The following DLG2 variants were observed in gnomAD, a reference collection of about 807,000 sequenced individuals.
DLG2 encodes disks large homolog 2.
Under a neutral mutation model 132.5 loss-of-function variants are expected in DLG2, and 45 were observed. That is an observed-to-expected ratio of 0.34 (90% CI 0.27 to 0.44). DLG2 has a LOEUF of 0.44. Ranked by LOEUF, DLG2 falls within the 20% of genes least tolerant of loss-of-function variation. The probability of loss-of-function intolerance (pLI) is 1.00; values close to 1 mark genes in which losing one functional copy is unlikely to be tolerated. For missense variants in DLG2, 1,045 were observed against 1,196.9 expected (o/e 0.87, Z 1.87); for synonymous variants, 424 against 419.6 (o/e 1.01, Z -0.13).
chr11:84,558,674 T>C (rs1286212486), intron 6 of DLG2, among the ~76,000 whole-genome samples: 1 of 152,106 alleles, frequency 6.6e-6, no homozygotes, highest in African/African-American at 2.4e-5. Context: ...CAGCTCCCTA[T>C]ACACACACCA....
chr11:84,609,609 T>C (rs1169084206), intron 6 of DLG2, among the ~76,000 whole-genome samples: 1 of 152,106 alleles, frequency 6.6e-6, no homozygotes, highest in Admixed American at 6.6e-5. Flanking sequence ...ACCTCTGCCA[T>C]AGATGGGATG....
intron 3 of DLG2, among the ~76,000 whole-genome samples, chr11:85,305,763 T>A (rs545067076): frequency 1.3e-5 from 2 of 152,218 alleles, no homozygotes; most frequent in African/African-American, 4.8e-5. Context: ...TCCGCCCGCC[T>A]CGGCTTCCCA....
At chr11:83,649,946 A>G (rs1040976214) in intron 18 of DLG2, among the ~76,000 whole-genome samples, 1 of 152,228 alleles carries the variant, frequency 6.6e-6, no homozygotes, top group South Asian at 2.1e-4. Flanking sequence ...ATAGAAAGAG[A>G]AAGTTTTTTA....
intron 6 of DLG2, among the ~76,000 whole-genome samples, chr11:85,041,228 T>C (rs1040006875): frequency 1.3e-5 from 2 of 151,942 alleles, no homozygotes; most frequent in African/African-American, 2.4e-5. Flanking sequence ...GTAGCAGTGA[T>C]ACTATAAGAT....
intron 7 of DLG2, among the ~76,000 whole-genome samples, chr11:84,349,718 T>C (rs1440206998): frequency 1.3e-5 from 2 of 152,176 alleles, no homozygotes; most frequent in Non-Finnish European, 2.9e-5. Flanking sequence ...CTAATTGTTG[T>C]AGAAGAAGAA....
intron 7 of DLG2, among the ~76,000 whole-genome samples, chr11:84,406,622 G>A (rs12363515): frequency 0.11 from 16,296 of 152,246 alleles, 1,514 homozygotes; most frequent in African/African-American, 0.25. Flanking sequence ...TTACAGGCAT[G>A]AGCCACCACA....
At chr11:85,608,117 C>T (rs184979207) in intron 2 of DLG2, among the ~76,000 whole-genome samples, 177 of 152,186 alleles carry the variant, frequency 1.2e-3, no homozygotes, top group African/African-American at 4.0e-3. Flanking sequence ...GCTGCTGTGG[C>T]GGTGAGCACA....
chr11:83,780,386 T>C (rs993805552), intron 18 of DLG2, among the ~76,000 whole-genome samples: 2 of 152,216 alleles, frequency 1.3e-5, no homozygotes, highest in African/African-American at 4.8e-5. Context: ...GTTTCACTTA[T>C]TGCTGAAAAG....
rs545428940 is a variant in DLG2, at chr11:84,327,373, G to A, written c.520-76082C>T. ...GCTGGGATTGCAGTTGTGAGACACC[G>A]TGCCCAGCTGAGAATCTTATTTTTA... is the stretch of plus-strand genomic sequence containing the variant. On this transcript the variant is annotated intron_variant, in intron 7 of 27. Coordinates refer to ENST00000376104, the MANE Select transcript of DLG2 (RefSeq NM_001142699.3). Among the ~76,000 whole-genome samples, 10 of 152,134 alleles carry A rather than the reference G, an allele frequency of 6.6e-5. No individual in the cohort carries two copies. In the South Asian group the frequency reaches 1.0e-3, roughly 16 times the overall value.
chr11:85,436,581 GA>G (rs1411486269), intron 3 of DLG2, among the ~76,000 whole-genome samples: 2 of 152,162 alleles, frequency 1.3e-5, no homozygotes, highest in Admixed American at 6.5e-5. Flanking sequence ...GATCATTAGA[GA>G]AATGCAAATC....
intron 3 of DLG2, among the ~76,000 whole-genome samples, chr11:85,293,039 T>A (rs867099119): frequency 1.3e-5 from 2 of 152,164 alleles, no homozygotes; most frequent in African/African-American, 4.8e-5. Flanking sequence ...AAATTAATAG[T>A]CATGGGATAT....
At chr11:84,319,895 T>C (rs1227375287) in intron 7 of DLG2, among the ~76,000 whole-genome samples, 1 of 152,176 alleles carries the variant, frequency 6.6e-6, no homozygotes, top group Non-Finnish European at 1.5e-5. Flanking sequence ...AATTCCATAC[T>C]CCTATCTTTC....
At chr11:84,289,331 AT>A (rs2097953642) in intron 7 of DLG2, among the ~76,000 whole-genome samples, 1 of 152,262 alleles carries the variant, frequency 6.6e-6, no homozygotes, top group South Asian at 2.1e-4. Context: ...TTATGAGGAA[AT>A]TAGGAAAATT....
At chr11:83,679,700 A>G (rs558941576) in intron 18 of DLG2, among the ~76,000 whole-genome samples, 1 of 152,336 alleles carries the variant, frequency 6.6e-6, no homozygotes, top group South Asian at 2.1e-4. Context: ...AATTTACAAC[A>G]ATAATAATTA....
chr11:84,598,344 G>A (rs572309690), intron 6 of DLG2, among the ~76,000 whole-genome samples: 28 of 152,256 alleles, frequency 1.8e-4, no homozygotes, highest in African/African-American at 6.3e-4. Context: ...TGCCCAAGCT[G>A]CAATATGGAT....
chr11:84,501,425 C>T (rs1191755664), intron 7 of DLG2, among the ~76,000 whole-genome samples: 1 of 152,090 alleles, frequency 6.6e-6, no homozygotes, highest in Non-Finnish European at 1.5e-5. Flanking sequence ...ATTAGCCAGG[C>T]ATAGTGGTGC....
intron 3 of DLG2, among the ~76,000 whole-genome samples, chr11:85,416,824 A>T (rs1393885418): frequency 6.6e-6 from 1 of 152,196 alleles, no homozygotes; most frequent in Non-Finnish European, 1.5e-5. Flanking sequence ...GTTGCTTATG[A>T]GCATAAAGAG....
chr11:84,405,641 T>C (rs533216697), intron 7 of DLG2, among the ~76,000 whole-genome samples: 1 of 152,138 alleles, frequency 6.6e-6, no homozygotes, highest in East Asian at 1.9e-4. Flanking sequence ...CCCTCAGAGG[T>C]ACATTCTAGT....
chr11:83,568,278 G>A lies in DLG2; in HGVS notation c.1941-26420C>T, dbSNP rs2096741699. Among the ~76,000 whole-genome samples, 6 of 152,242 alleles carry A rather than the reference G, an allele frequency of 3.9e-5. No homozygotes were observed. The South Asian group carries it at 1.2e-3, about 32-fold the overall frequency. ...TAGGAAGAGAAAGGGAAGTATCAGG[G>A]ATGATGTTGAGGATTTGGGCTAAGG... On this transcript the variant is annotated intron_variant, in intron 19 of 27. Transcript: ENST00000376104.
Sources: gnomAD v4.1 joint callset for allele counts (sites outside exome capture counted in the v4.1 genomes callset) on GRCh38, gnomAD v4.1.1 for gene constraint, MANE v1.5 for transcripts, NCBI Gene and HGNC (gene_info 2026-07-23, HGNC 2026-07-21) for gene names.